Variants in NCL observed in about 807,000 individuals in gnomAD.
NCL encodes the protein nucleolin multifunctional protein.
NCL carries 4 observed loss-of-function variants against 77.7 expected under a neutral mutation model. The ratio of observed to expected loss-of-function variants is 0.05; its 90% CI spans 0.03 to 0.12. The LOEUF is 0.12. Among genes scored for constraint, NCL ranks in the 10% least tolerant of loss-of-function variants. The pLI, the probability that NCL is intolerant of heterozygous loss-of-function variation, is 1.00. For synonymous variants in NCL, 344 were observed against 297.8 expected (o/e 1.16, Z -1.60); for missense variants, 763 against 860.9 (o/e 0.89, Z 1.42).
At position 231,454,908 on chromosome 2, in the gene NCL, G is replaced by T; in HGVS notation, c.*283C>A. Reference sequence around the variant, plus strand: ...AACAACAACAAAACCCAAACTATTTGTAGGAAAAAATGGTTTTGTACATGG... The same window carrying T: ...AACAACAACAAAACCCAAACTATTTTTAGGAAAAAATGGTTTTGTACATGG... On this transcript the variant is annotated 3_prime_UTR_variant, in exon 14 of 14. Coordinates refer to ENST00000322723, the MANE Select transcript of NCL (RefSeq NM_005381.3). The T allele has an allele frequency of 1.9e-5, 5 of 268,428 alleles. No homozygotes were observed. The highest frequency in any genetic ancestry group is 6.7e-5 in the East Asian group (1 of 14,936). 16.6% of individuals were successfully genotyped at this position (268,428 alleles called of 1,614,324 possible).
intron 8 of NCL, 66 bp downstream of exon 8, chr2:231,458,200 C>A (rs1381942885): frequency 2.6e-6 from 4 of 1,567,296 alleles, no homozygotes; most frequent in East Asian, 2.3e-5. Context: ...ACCAATATTT[C>A]TTTTATAAAG....
At position 231,459,085 on chromosome 2, in the gene NCL, C is replaced by T. The variant is rs1483659765; in HGVS notation, c.1081G>A (p.Glu361Lys). Residue 361 changes from glutamate (E) to lysine (K), a missense_variant, in exon 7 of 14, where the codon GAG becomes AAG. Physicochemically the swap from Glu to Lys is moderately conservative, Grantham distance 56 (BLOSUM62 1). Around this residue, in one of 2 missense-constraint regions of NCL, gnomAD observed 590 missense variants for 570.5 expected, o/e 1.03. Coordinates refer to ENST00000322723, the MANE Select transcript of NCL (RefSeq NM_005381.3). Reference sequence around the variant, plus strand: ...AAACCAGTGAGTTCCAACGCTTTCTCCAGGTCTTCAGCAGATTCAAAATCC... The same window carrying T: ...AAACCAGTGAGTTCCAACGCTTTCTTCAGGTCTTCAGCAGATTCAAAATCC... Reference protein sequence around the residue: ...YVDFESAEDLEKALELTGLKV... With the variant: ...YVDFESAEDLKKALELTGLKV... 2.5e-6 allele frequency: 4 copies of T among 1,601,552 alleles called. No individual in the cohort carries two copies. The highest frequency in any genetic ancestry group is 2.6e-6 in the Non-Finnish European group (3 of 1,175,966).
Position 231,460,724 on chromosome 2 carries a change from A to C in NCL, c.756T>G (p.Asp252Glu). 1 of 1,611,936 alleles carries C rather than the reference A, an allele frequency of 6.2e-7. No homozygotes were observed. Among genetic ancestry groups the C allele is most frequent in the Non-Finnish European group, 8.5e-7 (1 of 1,178,292 alleles). Residue 252 changes from aspartate (D) to glutamate (E), a missense_variant, in exon 4 of 14, where the codon GAT becomes GAG. By Grantham distance (45) the Asp-to-Glu change is conservative (BLOSUM62 2). Around this residue, in one of 2 missense-constraint regions of NCL, gnomAD observed 590 missense variants for 570.5 expected, o/e 1.03. Transcript: ENST00000322723. ...DEDEDDDDDE[D>E]DEDDDDEDDE... ...CATCTTCATCATCATCATCTTCATC[A>C]TCTTCGTCGTCGTCGTCATCCTCGT...
rs567304610 is a variant in NCL at position 231,460,968 on chromosome 2, AAC to A, written c.614-104_614-103del. On this transcript the variant is annotated intron_variant, in intron 3 of 13. Transcript: ENST00000322723. ...TGCAATCCTGTCACCATGTTTAGTT[AAC>A]AGTCATGGCAAGAATAGATCACTTG... 8.7e-4 allele frequency: 871 copies of A among 1,001,806 alleles called. 4 individuals are homozygous for A. Among genetic ancestry groups the A allele is most frequent in the South Asian group, 4.0e-3 (303 of 76,238 alleles). 62.1% of individuals were successfully genotyped at this position (1,001,806 alleles called of 1,614,324 possible).
chr2:231,463,840 T>TCCGGGGCC (rs2046974405), intron 1 of NCL: 1 of 168,408 alleles, frequency 5.9e-6, no homozygotes, highest in African/African-American at 2.4e-5. Flanking sequence ...AGAGCCACCT[T>TCCGGGGCC]CCGGGGCCCA....
chr2:231,456,596 C>G (rs112360139), intron 11 of NCL, 35 bp downstream of exon 11: 1 of 1,613,074 alleles, frequency 6.2e-7, no homozygotes, highest in African/African-American at 1.3e-5. Context: ...GAGAGTGCTA[C>G]CCCCAACCAC....
At chr2:231,463,416 A>G (rs2046970694) in intron 1 of NCL, 100 bp from the exon 2 acceptor site, 1 of 806,378 alleles carries the variant, frequency 1.2e-6, no homozygotes, top group Admixed American at 2.2e-5. Context: ...CCGTCCTCAG[A>G]TCCATTTCTC....
chr2:231,462,410 T>C (rs2046961313), intron 2 of NCL: 2 of 388,230 alleles, frequency 5.2e-6, no homozygotes, highest in South Asian at 1.9e-5. Flanking sequence ...CATTAACTTA[T>C]TAAATCATTT....
chr2:231,460,801 C>T lies in NCL; in HGVS notation c.679G>A (p.Val227Met), dbSNP rs138346780. 2.0e-5 allele frequency: 33 copies of T among 1,614,176 alleles called. No homozygotes were observed. In the African/African-American group the frequency reaches 3.9e-4, roughly 19 times the overall value. Residue 227 changes from valine (V) to methionine (M), a missense_variant, in exon 4 of 14, where the codon GTG becomes ATG. Physicochemically the swap from Val to Met is conservative, Grantham distance 21 (BLOSUM62 1). This residue lies in a region of NCL where 590 missense variants were observed against 570.5 expected (regional missense o/e 1.03). Transcript: ENST00000322723. ...KGKKAAKVVPVKAKNVAEDED... is the reference protein window; with the variant it reads ...KGKKAAKVVPMKAKNVAEDED... ...TCCTCAGCCACGTTCTTGGCTTTCACAGGAACAACTTTTGCAGCTTTCTTT... is the reference window on the plus strand; with the variant it reads ...TCCTCAGCCACGTTCTTGGCTTTCATAGGAACAACTTTTGCAGCTTTCTTT...
In NCL at chr2:231,460,534, T is replaced by C. The variant is rs1420062298; in HGVS notation, c.842A>G (p.Lys281Arg). 14 of 1,614,228 alleles carry C rather than the reference T, an allele frequency of 8.7e-6. No homozygotes were observed. The highest frequency in any genetic ancestry group is 1.2e-5 in the Non-Finnish European group (14 of 1,180,038). Reference sequence around the variant, plus strand: ...TGCTTTCTGTTTGGCCATTTCCTTCTTTCGTTTTCCAGGTGCTTCTTTGAC... The same window carrying C: ...TGCTTTCTGTTTGGCCATTTCCTTCCTTCGTTTTCCAGGTGCTTCTTTGAC... ...EPVKEAPGKR[K>R]KEMAKQKAAP... The change falls in exon 5 of 14, where the codon AAG becomes AGG. Residue 281 changes from lysine to arginine, a missense_variant. Physicochemically the swap from Lys to Arg is conservative, Grantham distance 26. Around this residue, in one of 2 missense-constraint regions of NCL, gnomAD observed 590 missense variants for 570.5 expected, o/e 1.03. Transcript: ENST00000322723.
chr2:231,458,522 G>T, intron 7 of NCL, 133 bp from the exon 8 acceptor site: 1 of 1,159,694 alleles, frequency 8.6e-7, no homozygotes, highest in Non-Finnish European at 1.2e-6. Context: ...ACAAGGCTCG[G>T]TGCTAAATAT....
In NCL at chr2:231,454,432, C is replaced by G. The variant is rs1480302406; in HGVS notation, c.*759G>C. On this transcript the variant is annotated 3_prime_UTR_variant, in exon 14 of 14. Transcript: ENST00000322723. ...AAGTGTTGGGATTACAGGAGTTAGCCACTGCTCTTCCCTGAAGCTCTTCCT... is the reference window on the plus strand; with the variant it reads ...AAGTGTTGGGATTACAGGAGTTAGCGACTGCTCTTCCCTGAAGCTCTTCCT... The G allele has an allele frequency of 6.6e-6, 1 of 152,386 alleles. No individual in the cohort carries two copies. Among genetic ancestry groups the G allele is most frequent in the Non-Finnish European group, 1.5e-5 (1 of 68,202 alleles). The allele number at this position is 152,386 out of a possible 1,614,324, so 9.4% of individuals were successfully genotyped here. A position where few individuals can be genotyped will look rare whatever the true frequency, so the allele number is the denominator to read the frequency against.
intron 11 of NCL, 189 bp from the exon 12 acceptor site, chr2:231,456,325 C>A: frequency 1.1e-6 from 1 of 885,966 alleles, no homozygotes; most frequent in Non-Finnish European, 1.8e-6. Context: ...ATTGCCATTG[C>A]ATAGTTGATA....
At chr2:231,456,542 G>GC (rs1341915361) in intron 11 of NCL, 89 bp downstream of exon 11, 2 of 1,564,564 alleles carry the variant, frequency 1.3e-6, no homozygotes, top group African/African-American at 2.7e-5. Context: ...TCACTCAGTA[G>GC]CAACAGGAAA....
At position 231,460,275 on chromosome 2, in the gene NCL, G is replaced by A. The variant is rs1559541737; in HGVS notation, c.917C>T (p.Ala306Val). ...TAGGTTTCCAACAAAGAGATTGAAA[G>A]CCGTAGTCGGTTCTGTGCCTGCACA... Reference protein sequence around the residue: ...QKVEGTEPTTAFNLFVGNLNF... With the variant: ...QKVEGTEPTTVFNLFVGNLNF... The change falls in exon 6 of 14, where the codon GCT (alanine) becomes GTT (valine). Residue 306 changes from alanine to valine, a missense_variant. Physicochemically the swap from Ala to Val is moderately conservative, Grantham distance 64 (BLOSUM62 0). This residue lies in a region of NCL where 590 missense variants were observed against 570.5 expected (regional missense o/e 1.03). Transcript: ENST00000322723. 1 of 1,613,992 alleles carries A rather than the reference G, an allele frequency of 6.2e-7. No homozygotes were observed. Among genetic ancestry groups the A allele is most frequent in the East Asian group, 2.2e-5 (1 of 44,900 alleles).
chr2:231,455,443 C>T lies in NCL; in HGVS notation c.2014G>A (p.Gly672Ser), dbSNP rs1424566514. The T allele has an allele frequency of 3.1e-6, 5 of 1,614,040 alleles. No individual in the cohort carries two copies. Among genetic ancestry groups the T allele is most frequent in the African/African-American group, 1.3e-5 (1 of 74,916 alleles). Residue 672 changes from glycine to serine, a missense_variant, in exon 13 of 14, where the codon GGC becomes AGC. By Grantham distance (56) the Gly-to-Ser change is moderately conservative. This residue lies in a region of NCL where 173 missense variants were observed against 290.4 expected (regional missense o/e 0.60). Transcript: ENST00000322723. ...GFGGRGGGRG[G>S]RGGFGGRGRG... ...CCTCTGCCACCAAATCCTCCTCGGC[C>T]TCCTCTACCACCACCTCGTCCTCCA...
In NCL at chr2:231,460,573, G is replaced by C; in HGVS notation, c.812-9C>G. 6.2e-7 allele frequency: 1 copy of C among 1,614,158 alleles called. No homozygotes were observed. The highest frequency in any genetic ancestry group is 8.5e-7 in the Non-Finnish European group (1 of 1,180,020). On this transcript the variant is annotated splice_polypyrimidine_tract_variant and intron_variant, in intron 4 of 13. Transcript: ENST00000322723. The stretch of plus-strand genomic sequence containing the variant: ...TGCTTCTTTGACAGGCTCTGGACAA[G>C]ATGTCAAACAATGTATCACACATCA...
rs1276168532 is a variant in NCL, at chr2:231,460,778, C to T, written c.702G>A (p.Glu234=). 1 of 1,614,094 alleles carries T rather than the reference C, an allele frequency of 6.2e-7. No individual in the cohort carries two copies. The highest frequency in any genetic ancestry group is 1.7e-5 in the Admixed American group (1 of 60,010). The change falls in exon 4 of 14, where the codon GAG becomes GAA. Residue 234 remains glutamate, a synonymous_variant. Transcript: ENST00000322723. Reference sequence around the variant, plus strand: ...CATCATCCTCTTCTTCATCTTCATCCTCAGCCACGTTCTTGGCTTTCACAG... The same window carrying T: ...CATCATCCTCTTCTTCATCTTCATCTTCAGCCACGTTCTTGGCTTTCACAG... ...VVPVKAKNVA[E]DEDEEEDDED...
Position 231,463,945 on chromosome 2 carries a change from CG to C in NCL, c.18+390del, listed in dbSNP as rs145740956. The C allele has an allele frequency of 8.5e-3, 2,142 of 253,082 alleles. 53 individuals carry two copies. The highest frequency in any genetic ancestry group is 0.046 in the African/African-American group (2,024 of 43,636). 15.7% of individuals were successfully genotyped at this position (253,082 alleles called of 1,614,324 possible). A position where few individuals can be genotyped will look rare whatever the true frequency, so the allele number is the denominator to read the frequency against. ...CCGCCATTTCCCGGCCCAAGGCACCCGGTCCCTCTGGAGATTCCAGGACCCA... is the reference window on the plus strand; with the variant it reads ...CCGCCATTTCCCGGCCCAAGGCACCCGTCCCTCTGGAGATTCCAGGACCCA... On this transcript the variant is annotated intron_variant, in intron 1 of 13. Coordinates refer to ENST00000322723, the MANE Select transcript of NCL (RefSeq NM_005381.3).
Sources: allele counts gnomAD v4.1 joint callset, GRCh38; gene constraint gnomAD v4.1.1; regional missense constraint gnomAD v4.1.1; transcripts MANE v1.5; gene names NCBI Gene and HGNC (gene_info 2026-07-23, HGNC 2026-07-21).